ST14: variants seen among roughly 807,000 people sequenced by gnomAD.
ST14 encodes ST14 transmembrane serine protease matriptase.
A neutral mutation model predicts 96.5 loss-of-function variants in ST14; 40 were observed. That is an observed-to-expected ratio of 0.41 (90% CI 0.32 to 0.54). The LOEUF is 0.54. Ranked by LOEUF, ST14 falls within the 20% of genes least tolerant of loss-of-function variation. The pLI, the probability that ST14 is intolerant of heterozygous loss-of-function variation, is 0.17. For synonymous variants in ST14, 506 were observed against 492.1 expected (o/e 1.03, Z -0.37); for missense variants, 1,066 against 1,188.9 (o/e 0.90, Z 1.52).
At chr11:130,173,659 C>A (rs1214566652) in intron 1 of ST14, among the ~76,000 whole-genome samples, 1 of 152,130 alleles carries the variant, frequency 6.6e-6, no homozygotes, top group Non-Finnish European at 1.5e-5. Flanking sequence ...CAGCACAAGT[C>A]TGTAGTGTGG....
chr11:130,160,009 A>G lies in ST14; in HGVS notation c.30A>G (p.Gly10=), dbSNP rs1952986651. The G allele has an allele frequency of 2.1e-6, 3 of 1,423,248 alleles. No individual in the cohort carries two copies. The highest frequency in any genetic ancestry group is 2.2e-4 in the Middle Eastern group (1 of 4,534). The allele number at this position is 1,423,248 out of a possible 1,614,324, so 88.2% of individuals were successfully genotyped here. MGSDRARKG[G]GGPKDFGAGL... ...GGAGCGATCGGGCCCGCAAGGGCGGAGGGGGCCCGAAGGACTTCGGCGCGG... is the reference window on the plus strand; with the variant it reads ...GGAGCGATCGGGCCCGCAAGGGCGGGGGGGGCCCGAAGGACTTCGGCGCGG... Residue 10 remains glycine, a synonymous_variant, in exon 1 of 19, where the codon GGA becomes GGG. Transcript: ENST00000278742.
chr11:130,189,442 C>T (rs1043182396), intron 4 of ST14: 2 of 516,878 alleles, frequency 3.9e-6, no homozygotes, highest in African/African-American at 1.9e-5. Context: ...GAAGGTGACA[C>T]TCGGTGTGTC....
chr11:130,180,780 CTA>C (rs1953184542), intron 1 of ST14, among the ~76,000 whole-genome samples: 1 of 152,190 alleles, frequency 6.6e-6, no homozygotes, highest in African/African-American at 2.4e-5. Context: ...AGAATCTTTC[CTA>C]TATTATCAAA....
Position 130,189,809 on chromosome 11 carries a change from C to A in ST14, c.511C>A (p.Arg171Ser), listed in dbSNP as rs200572156. Residue 171 changes from arginine to serine, a missense_variant, in exon 5 of 19, where the codon CGC becomes AGC. Transcript: ENST00000278742. ...GCAGCACCTGGTGGAGGAGGCCGAG[C>A]GCGTCATGGCCGAGGAGCGCGTAGT... ...IPQHLVEEAE[R>S]VMAEERVVML... is the part of the protein sequence containing the mutation. 154 of 1,613,774 alleles carry A rather than the reference C, an allele frequency of 9.5e-5. No individual in the cohort carries two copies. The highest frequency in any genetic ancestry group is 1.3e-4 in the Non-Finnish European group (153 of 1,179,962).
At chr11:130,166,694 A>G (rs1349196276) in intron 1 of ST14, among the ~76,000 whole-genome samples, 1 of 152,128 alleles carries the variant, frequency 6.6e-6, no homozygotes, top group Non-Finnish European at 1.5e-5. Context: ...TGCTTTGCTC[A>G]CTGAACCACC....
chr11:130,190,968 A>AGAGAAGGCACTGCCCAC (rs1270418618), intron 7 of ST14, among the ~76,000 whole-genome samples: 45 of 152,236 alleles, frequency 3.0e-4, no homozygotes, highest in African/African-American at 1.0e-3. Flanking sequence ...GAACCGCCGG[A>AGAGAAGGCACTGCCCAC]GAGAAGGCAC....
At position 130,209,812 on chromosome 11, in the gene ST14, A is replaced by C; in HGVS notation, c.2557A>C (p.Thr853Pro). ...PLFRDWIKEN[T>P]GV ...GTTTCGGGACTGGATCAAAGAGAAC[A>C]CTGGGGTATAGGGGCCGGGGCCACC... The change falls in exon 19 of 19, where the codon ACT (threonine) becomes CCT (proline). Residue 853 changes from threonine (T) to proline (P), a missense_variant. Physicochemically the swap from Thr to Pro is conservative, Grantham distance 38 (BLOSUM62 -1). Coordinates refer to ENST00000278742, the MANE Select transcript of ST14 (RefSeq NM_021978.4). 6.2e-7 allele frequency: 1 copy of C among 1,613,904 alleles called. No individual in the cohort carries two copies. The highest frequency in any genetic ancestry group is 8.5e-7 in the Non-Finnish European group (1 of 1,180,012).
In ST14 at chr11:130,169,189, G is replaced by A. The variant is rs1308938284; in HGVS notation, c.81+9129G>A. On this transcript the variant is annotated intron_variant, in intron 1 of 18. Transcript: ENST00000278742. Reference sequence around the variant, plus strand: ...GGCTCACTGCAACCTCCGCCTCCCTGGTTCAAGCGATTCTCCTGCCTCAGC... The same window carrying A: ...GGCTCACTGCAACCTCCGCCTCCCTAGTTCAAGCGATTCTCCTGCCTCAGC... Among the ~76,000 whole-genome samples the A allele has an allele frequency of 4.1e-5, 6 of 145,202 alleles. No homozygotes were observed. The East Asian group carries it at 1.2e-3, about 30-fold the overall frequency.
At chr11:130,180,286 G>C (rs767577678) in intron 1 of ST14, among the ~76,000 whole-genome samples, 1 of 152,158 alleles carries the variant, frequency 6.6e-6, no homozygotes, top group Non-Finnish European at 1.5e-5. Flanking sequence ...TGCCCTTCAC[G>C]GTCCCTCCCC....
intron 1 of ST14, among the ~76,000 whole-genome samples, chr11:130,163,130 T>C (rs181254471): frequency 3.3e-5 from 5 of 152,010 alleles, no homozygotes; most frequent in Non-Finnish European, 7.4e-5. Flanking sequence ...TCGTATAGTA[T>C]CAGTAGGTCG....
At chr11:130,176,099 G>A (rs1383847992) in intron 1 of ST14, among the ~76,000 whole-genome samples, 1 of 152,196 alleles carries the variant, frequency 6.6e-6, no homozygotes, top group African/African-American at 2.4e-5. Context: ...TCCCACAGAT[G>A]TAGGGGCCAG....
intron 17 of ST14, 32 bp from the exon 18 acceptor site, chr11:130,209,410 C>T (rs1322886594): frequency 3.2e-6 from 5 of 1,564,660 alleles, no homozygotes; most frequent in Non-Finnish European, 4.3e-6. Flanking sequence ...CGAAGCAGCC[C>T]GGCTCTCAGC....
At position 130,196,598 on chromosome 11, in the gene ST14, G is replaced by A. The variant is rs368176561; in HGVS notation, c.1252G>A (p.Val418Ile). 23 of 1,612,458 alleles carry A rather than the reference G, an allele frequency of 1.4e-5. No individual in the cohort carries two copies. In the African/African-American group the frequency reaches 2.1e-4, roughly 15 times the overall value. The part of the protein sequence containing the change: ...KYCGERSQFV[V>I]TSNSNKITVR... ...CTGCGGAGAGAGGTCCCAGTTCGTCGTCACCAGCAACAGCAACAAGATCAC... is the reference window on the plus strand; with the variant it reads ...CTGCGGAGAGAGGTCCCAGTTCGTCATCACCAGCAACAGCAACAAGATCAC... Residue 418 changes from valine to isoleucine, a missense_variant, in exon 11 of 19, where the codon GTC becomes ATC. Coordinates refer to ENST00000278742, the MANE Select transcript of ST14 (RefSeq NM_021978.4).
chr11:130,166,046 A>C (rs1953038188), intron 1 of ST14, among the ~76,000 whole-genome samples: 1 of 152,206 alleles, frequency 6.6e-6, no homozygotes, highest in African/African-American at 2.4e-5. Flanking sequence ...GGTGTGCTAC[A>C]AACATCATAG....
intron 16 of ST14, among the ~76,000 whole-genome samples, chr11:130,202,189 T>C (rs1392821985): frequency 1.3e-5 from 2 of 152,224 alleles, no homozygotes; most frequent in African/African-American, 4.8e-5. Context: ...CTGCTTCCTC[T>C]TTTCCTTTGC....
chr11:130,189,864 A>G lies in ST14; in HGVS notation c.566A>G (p.Lys189Arg), dbSNP rs758050294. The G allele has an allele frequency of 6.2e-7, 1 of 1,613,812 alleles. No homozygotes were observed. Among genetic ancestry groups the G allele is most frequent in the South Asian group, 1.1e-5 (1 of 91,076 alleles). Residue 189 changes from lysine to arginine, a missense_variant, in exon 5 of 19, where the codon AAG (lysine) becomes AGG (arginine). By Grantham distance (26) the Lys-to-Arg change is conservative (BLOSUM62 2). Coordinates refer to ENST00000278742, the MANE Select transcript of ST14 (RefSeq NM_021978.4). ...CTGCCCCCGCGGGCGCGCTCCCTGAAGTCCTTTGTGGTCACCTCAGTGGTG... is the reference window on the plus strand; with the variant it reads ...CTGCCCCCGCGGGCGCGCTCCCTGAGGTCCTTTGTGGTCACCTCAGTGGTG... ...VMLPPRARSL[K>R]SFVVTSVVAF...
At chr11:130,186,040 T>G (rs1007913146) in intron 1 of ST14, among the ~76,000 whole-genome samples, 1 of 152,142 alleles carries the variant, frequency 6.6e-6, no homozygotes, top group Non-Finnish European at 1.5e-5. Flanking sequence ...ACTCCCGACC[T>G]CAGATGATCC....
intron 1 of ST14, among the ~76,000 whole-genome samples, chr11:130,165,179 G>A (rs939077327): frequency 6.6e-6 from 1 of 152,214 alleles, no homozygotes; most frequent in Non-Finnish European, 1.5e-5. Context: ...TCCTATGTGG[G>A]CTGTGACATG....
rs1953522302 is a variant in ST14, at chr11:130,209,324, AGCCCCGG to A, written c.2270-115_2270-109del. Reference sequence around the variant, plus strand: ...AGTAGACGCGGATTACCCGTTTGTCAGCCCCGGGCATCTGGGCTGTTCCAGAGTTTTC... The same window carrying A: ...AGTAGACGCGGATTACCCGTTTGTCAGCATCTGGGCTGTTCCAGAGTTTTC... On this transcript the variant is annotated intron_variant, in intron 17 of 18. Transcript: ENST00000278742. 2.2e-6 allele frequency: 3 copies of A among 1,375,600 alleles called. No individual in the cohort carries two copies. In the East Asian group the frequency reaches 7.5e-5, roughly 34 times the overall value. 85.2% of individuals were successfully genotyped at this position (1,375,600 alleles called of 1,614,324 possible). A position where few individuals can be genotyped will look rare whatever the true frequency, so the allele number is the denominator to read the frequency against.
Sources: gnomAD v4.1 joint callset for allele counts (sites outside exome capture counted in the v4.1 genomes callset) on GRCh38, gnomAD v4.1.1 for gene constraint, MANE v1.5 for transcripts, NCBI Gene and HGNC (gene_info 2026-07-23, HGNC 2026-07-21) for gene names.